TRIT1: variants seen among roughly 807,000 people sequenced by gnomAD.
The protein encoded by TRIT1 is tRNA dimethylallyltransferase.
Under a neutral mutation model 51.2 loss-of-function variants are expected in TRIT1, and 43 were observed. That is an observed-to-expected ratio of 0.84 (90% CI 0.66 to 1.08). TRIT1 has a LOEUF of 1.08. TRIT1 is among the 50% of genes least tolerant of loss of function. The pLI is 0.00. For synonymous variants in TRIT1, 184 were observed against 203.9 expected (o/e 0.90, Z 0.83); for missense variants, 528 against 578.4 (o/e 0.91, Z 0.89).
chr1:39,839,653 C>T lies in TRIT1; in HGVS notation c.*2091G>A, dbSNP rs141294613. On this transcript the variant is annotated 3_prime_UTR_variant, in exon 11 of 11. Transcript: ENST00000316891. ...AAGGAATTTCATTTGGCTGAATTTA[C>T]AATTTCTAAGAATATGAACAGTGGG... Among the ~76,000 whole-genome samples, 524 of 152,280 alleles carry T rather than the reference C, an allele frequency of 3.4e-3. 6 individuals are homozygous for T. Among genetic ancestry groups the T allele is most frequent in the African/African-American group, 0.012 (502 of 41,542 alleles).
intron 1 of TRIT1, among the ~76,000 whole-genome samples, chr1:39,863,304 A>C (rs765885837): frequency 3.3e-5 from 5 of 152,200 alleles, no homozygotes; most frequent in Non-Finnish European, 7.3e-5. Flanking sequence ...ATCTCTACCA[A>C]AAATTTAAAA....
At chr1:39,869,302 G>C (rs995394382) in intron 1 of TRIT1, among the ~76,000 whole-genome samples, 1 of 152,210 alleles carries the variant, frequency 6.6e-6, no homozygotes, top group Non-Finnish European at 1.5e-5. Flanking sequence ...ACAGGGTTTC[G>C]CCGTGTTGGC....
intron 10 of TRIT1, among the ~76,000 whole-genome samples, chr1:39,842,549 G>A (rs1224949003): frequency 1.3e-5 from 2 of 152,084 alleles, no homozygotes; most frequent in Non-Finnish European, 2.9e-5. Flanking sequence ...TATCACCGAC[G>A]ATCTCTTCTG....
chr1:39,866,933 G>A (rs941748470), intron 1 of TRIT1, among the ~76,000 whole-genome samples: 57 of 152,316 alleles, frequency 3.7e-4, no homozygotes, highest in African/African-American at 1.3e-3. Flanking sequence ...CAGGGCTGCT[G>A]TGAGCCATGA....
chr1:39,865,878 A>C (rs1209244537), intron 1 of TRIT1, among the ~76,000 whole-genome samples: 1 of 150,662 alleles, frequency 6.6e-6, no homozygotes, highest in Non-Finnish European at 1.5e-5. Flanking sequence ...AAAGGAAAGA[A>C]GAGAGTGATA....
At chr1:39,853,038 A>G in intron 3 of TRIT1, among the ~76,000 whole-genome samples, 162 bp from the exon 4 acceptor site, 1 of 152,170 alleles carries the variant, frequency 6.6e-6, no homozygotes, top group East Asian at 1.9e-4. Flanking sequence ...GGTAAGTGCT[A>G]TGAGGCCACA....
In TRIT1 at chr1:39,874,790, T is replaced by C. The variant is rs540741654; in HGVS notation, c.174+8528A>G. 2.6e-5 allele frequency among the ~76,000 whole-genome samples: 4 copies of C among 152,104 alleles called. No individual in the cohort carries two copies. The East Asian group carries it at 5.8e-4, about 22-fold the overall frequency. ...AAGTGATTCTCCTGCCTTAGTCTCC[T>C]GAGTAGCTGAGATTACAGGCATGCA... On this transcript the variant is annotated intron_variant, in intron 1 of 10. Coordinates refer to ENST00000316891, the MANE Select transcript of TRIT1 (RefSeq NM_017646.6).
At chr1:39,874,006 ACT>A (rs1643966415) in intron 1 of TRIT1, among the ~76,000 whole-genome samples, 1 of 151,884 alleles carries the variant, frequency 6.6e-6, no homozygotes, top group South Asian at 2.1e-4. Context: ...CAAGAGCGAA[ACT>A]CTGTCTCAAA....
chr1:39,883,221 C>G (rs1369037265), intron 1 of TRIT1, 97 bp downstream of exon 1: 1 of 1,373,614 alleles, frequency 7.3e-7, no homozygotes, highest in Non-Finnish European at 9.9e-7. Flanking sequence ...CCCTCCGCCC[C>G]TACAAGCCTC....
intron 1 of TRIT1, among the ~76,000 whole-genome samples, chr1:39,863,770 T>C (rs1235868098): frequency 7.6e-6 from 1 of 131,500 alleles, no homozygotes; most frequent in African/African-American, 2.9e-5. Flanking sequence ...AAAAGAGATA[T>C]GAAAAAAAAA....
intron 1 of TRIT1, among the ~76,000 whole-genome samples, chr1:39,866,404 G>A (rs1643558048): frequency 2.0e-5 from 3 of 152,092 alleles, no homozygotes; most frequent in Admixed American, 1.3e-4. Flanking sequence ...GTAGATGAAA[G>A]GAAAAATTAT....
intron 1 of TRIT1, among the ~76,000 whole-genome samples, chr1:39,867,584 T>C (rs1643623841): frequency 6.6e-6 from 1 of 152,152 alleles, no homozygotes; most frequent in South Asian, 2.1e-4. Flanking sequence ...GAATGCAAAA[T>C]TGGCACATAT....
At chr1:39,859,654 C>CCT (rs552925708) in intron 1 of TRIT1, among the ~76,000 whole-genome samples, 11 of 151,016 alleles carry the variant, frequency 7.3e-5, no homozygotes, top group African/African-American at 2.2e-4. Context: ...ACTGTTTATT[C>CCT]CTCTCTCTCT....
intron 6 of TRIT1, 152 bp from the exon 7 acceptor site, chr1:39,847,812 C>A (rs151213607): frequency 6.8e-7 from 1 of 1,461,360 alleles, no homozygotes. Flanking sequence ...CCCTCCCCTA[C>A]CCACCAGGTT....
intron 1 of TRIT1, among the ~76,000 whole-genome samples, chr1:39,858,014 C>T (rs555456131): frequency 1.3e-5 from 2 of 152,278 alleles, no homozygotes; most frequent in South Asian, 4.1e-4. Context: ...TCAGCAAGGA[C>T]AATCTAAATA....
At chr1:39,861,600 G>A (rs561328685) in intron 1 of TRIT1, among the ~76,000 whole-genome samples, 3 of 152,192 alleles carry the variant, frequency 2.0e-5, no homozygotes, top group South Asian at 2.1e-4. Flanking sequence ...TGTGGTCTAC[G>A]CATACAAATG....
At position 39,839,389 on chromosome 1, in the gene TRIT1, G is replaced by A. The variant is rs1477713672; in HGVS notation, c.*2355C>T. Among the ~76,000 whole-genome samples the A allele has an allele frequency of 2.0e-5, 3 of 152,170 alleles. No individual in the cohort carries two copies. Among genetic ancestry groups the A allele is most frequent in the Non-Finnish European group, 4.4e-5 (3 of 68,022 alleles). ...CCAGCTTTGCCTTGCTCTGTGACTG[G>A]AACATCCATGTTTTAGGCCTCAGTT... On this transcript the variant is annotated 3_prime_UTR_variant, in exon 11 of 11. Transcript: ENST00000316891.
chr1:39,855,994 T>C (rs1028535737), intron 2 of TRIT1, among the ~76,000 whole-genome samples: 6 of 151,460 alleles, frequency 4.0e-5, no homozygotes, highest in Non-Finnish European at 7.4e-5. Context: ...CTTGTCAACA[T>C]AGCAAAATCC....
chr1:39,870,867 TCAC>T (rs2124667589), intron 1 of TRIT1, among the ~76,000 whole-genome samples: 1 of 152,270 alleles, frequency 6.6e-6, no homozygotes, highest in East Asian at 1.9e-4. Flanking sequence ...TTCTTTATAA[TCAC>T]CAAAAACCAG....
Sources: allele counts gnomAD v4.1 joint callset (sites outside exome capture counted in the v4.1 genomes callset), GRCh38; gene constraint gnomAD v4.1.1; transcripts MANE v1.5; gene names NCBI Gene and HGNC (gene_info 2026-07-23, HGNC 2026-07-21).